Variants in TIMMDC1 observed in about 807,000 individuals in gnomAD.
TIMMDC1 encodes complex I assembly factor TIMMDC1, mitochondrial.
TIMMDC1 carries 25 observed loss-of-function variants against 32.6 expected under a neutral mutation model. The ratio of observed to expected loss-of-function variants is 0.77; its 90% CI spans 0.56 to 1.07. The LOEUF (loss-of-function observed/expected upper bound fraction) is 1.07, where lower values mean the gene tolerates loss of function less well. Ranked by LOEUF, TIMMDC1 falls within the 50% of genes least tolerant of loss-of-function variation. TIMMDC1 has a pLI of 0.00. For missense variants in TIMMDC1, 329 were observed against 349.2 expected, an observed-to-expected ratio of 0.94 and a Z score of 0.46; for synonymous variants, 130 against 127.6, an observed-to-expected ratio of 1.02 and a Z score of -0.13.
At chr3:119,502,864 T>A (rs1014702115) in intron 2 of TIMMDC1, among the ~76,000 whole-genome samples, 1 of 152,170 alleles carries the variant, frequency 6.6e-6, no homozygotes, top group Admixed American at 6.5e-5. Context: ...CCAGGCAGTT[T>A]TAGCATTTAA....
chr3:119,509,700 T>C (rs2081941084), intron 4 of TIMMDC1, among the ~76,000 whole-genome samples: 1 of 151,936 alleles, frequency 6.6e-6, no homozygotes, highest in African/African-American at 2.4e-5. Flanking sequence ...TTTTTTTTTT[T>C]TTTGAGACGG....
chr3:119,517,397 T>A, intron 6 of TIMMDC1, 82 bp downstream of exon 6: 1 of 819,230 alleles, frequency 1.2e-6, no homozygotes, highest in Non-Finnish European at 2.1e-6. Flanking sequence ...ACTTATGTAC[T>A]CTAAACTGCC....
In TIMMDC1 at chr3:119,500,581, C is replaced by G. The variant is rs1284707044; in HGVS notation, c.195-114C>G. On this transcript the variant is annotated intron_variant, in intron 1 of 6. Transcript: ENST00000494664. Reference sequence around the variant, plus strand: ...TGTTTAATTCATCTGAGAATTCTACCTATGATGAAAAATGTTGTGGTGGTA... The same window carrying G: ...TGTTTAATTCATCTGAGAATTCTACGTATGATGAAAAATGTTGTGGTGGTA... The G allele has an allele frequency of 1.0e-5, 9 of 898,526 alleles. No homozygotes were observed. In the Middle Eastern group the frequency reaches 7.6e-4, roughly 76 times the overall value. 55.7% of individuals were successfully genotyped at this position (898,526 alleles called of 1,614,324 possible). A position where few individuals can be genotyped will look rare whatever the true frequency, so the allele number is the denominator to read the frequency against.
At chr3:119,510,963 C>T (rs1012917323) in intron 4 of TIMMDC1, among the ~76,000 whole-genome samples, 9 of 152,164 alleles carry the variant, frequency 5.9e-5, no homozygotes, top group Non-Finnish European at 8.8e-5. Context: ...TTTGACTCCC[C>T]CAAAACTTAA....
At chr3:119,513,517 A>G in intron 4 of TIMMDC1, 124 bp from the exon 5 acceptor site, 2 of 704,778 alleles carry the variant, frequency 2.8e-6, no homozygotes, top group Non-Finnish European at 2.5e-6. Flanking sequence ...TATAGGCTGT[A>G]GTAGTATATT....
intron 4 of TIMMDC1, among the ~76,000 whole-genome samples, chr3:119,510,189 G>A (rs1252117341): frequency 6.6e-6 from 1 of 152,062 alleles, no homozygotes; most frequent in Non-Finnish European, 1.5e-5. Context: ...TCAGTAAAGT[G>A]TAAATATATA....
intron 2 of TIMMDC1, among the ~76,000 whole-genome samples, chr3:119,502,231 T>G (rs1299581301): frequency 2.6e-5 from 4 of 151,790 alleles, no homozygotes; most frequent in African/African-American, 7.3e-5. Flanking sequence ...AATTATTTAT[T>G]CCTTTATTTA....
intron 4 of TIMMDC1, among the ~76,000 whole-genome samples, chr3:119,510,769 T>C (rs2081947337): frequency 6.6e-6 from 1 of 152,238 alleles, no homozygotes; most frequent in South Asian, 2.1e-4. Flanking sequence ...TTATGGTGCT[T>C]ATGTAAAAAA....
intron 4 of TIMMDC1, among the ~76,000 whole-genome samples, chr3:119,508,391 AG>A (rs1174268842): frequency 6.6e-6 from 1 of 152,202 alleles, no homozygotes; most frequent in Non-Finnish European, 1.5e-5. Context: ...TCCTATTTTG[AG>A]GGCAGCAGTT....
chr3:119,517,194 T>A lies in TIMMDC1; in HGVS notation c.597-11T>A. 6.3e-7 allele frequency: 1 copy of A among 1,581,314 alleles called. No homozygotes were observed. The highest frequency in any genetic ancestry group is 8.7e-7 in the Non-Finnish European group (1 of 1,151,140). ...CGTTTTTCCTAAGCTTTCCCTCTCC[T>A]TTCTTCTCAGCACTCCTGTAGGAGG... On this transcript the variant is annotated splice_polypyrimidine_tract_variant and intron_variant, in intron 5 of 6. Transcript: ENST00000494664.
intron 4 of TIMMDC1, among the ~76,000 whole-genome samples, chr3:119,504,826 A>G (rs951700695): frequency 6.6e-6 from 1 of 152,184 alleles, no homozygotes; most frequent in Non-Finnish European, 1.5e-5. Context: ...TCACACCTGT[A>G]ATCCCAGCAC....
At chr3:119,503,715 C>A in intron 3 of TIMMDC1, 95 bp downstream of exon 3, 1 of 984,040 alleles carries the variant, frequency 1.0e-6, no homozygotes, top group Non-Finnish European at 1.5e-6. Flanking sequence ...ACTGAATACC[C>A]ACATGAAAGT....
chr3:119,524,807 GA>G lies in TIMMDC1; in HGVS notation c.*1054del, dbSNP rs2082055182. On this transcript the variant is annotated 3_prime_UTR_variant, in exon 7 of 7. Transcript: ENST00000494664. ...TCTTTCCAGTTCTCTGCTGATGTCA[GA>G]AAGACCCAGAAATACCAAGGAGAAA... 6.6e-6 allele frequency: 1 copy of G among 152,186 alleles called. No homozygotes were observed. Among genetic ancestry groups the G allele is most frequent in the African/African-American group, 2.4e-5 (1 of 41,440 alleles). 9.4% of individuals were successfully genotyped at this position (152,186 alleles called of 1,614,324 possible).
rs190905868 is a variant in TIMMDC1 at position 119,502,757 on chromosome 3, C to T, written c.361-775C>T. Among the ~76,000 whole-genome samples the T allele has an allele frequency of 2.0e-4, 29 of 148,500 alleles. No homozygotes were observed. The East Asian group carries it at 5.5e-3, about 28-fold the overall frequency. On this transcript the variant is annotated intron_variant, in intron 2 of 6. Coordinates refer to ENST00000494664, the MANE Select transcript of TIMMDC1 (RefSeq NM_016589.4). ...AATTTTTTTTGTAAAGGCAGGATCT[C>T]GCTATGTTGCCCAGGCTGGTCTTAA...
At chr3:119,512,053 C>T (rs1006542367) in intron 4 of TIMMDC1, among the ~76,000 whole-genome samples, 1 of 151,982 alleles carries the variant, frequency 6.6e-6, no homozygotes, top group African/African-American at 2.4e-5. Flanking sequence ...TGAGTTTGTC[C>T]TAAGGAAACA....
intron 4 of TIMMDC1, among the ~76,000 whole-genome samples, chr3:119,505,734 A>G (rs898286960): frequency 4.6e-5 from 7 of 152,226 alleles, no homozygotes; most frequent in African/African-American, 1.7e-4. Flanking sequence ...TAAAAATAAT[A>G]CAAAGGGCAG....
intron 4 of TIMMDC1, among the ~76,000 whole-genome samples, chr3:119,505,511 A>T (rs2081912613): frequency 6.6e-6 from 1 of 152,038 alleles, no homozygotes; most frequent in Non-Finnish European, 1.5e-5. Context: ...GATTACAGGC[A>T]TGCGCCACCA....
intron 4 of TIMMDC1, among the ~76,000 whole-genome samples, chr3:119,504,609 T>C (rs2107727987): frequency 6.6e-6 from 1 of 152,274 alleles, no homozygotes; most frequent in African/African-American, 2.4e-5. Context: ...TTCTTTTTAA[T>C]GAGCATTAAA....
chr3:119,511,683 T>C (rs1577099506), intron 4 of TIMMDC1, among the ~76,000 whole-genome samples: 1 of 152,096 alleles, frequency 6.6e-6, no homozygotes, highest in East Asian at 1.9e-4. Flanking sequence ...GCCAAAATAA[T>C]AGTATGTGCA....
Sources: gnomAD v4.1 joint callset for allele counts (sites outside exome capture counted in the v4.1 genomes callset) on GRCh38, gnomAD v4.1.1 for gene constraint, MANE v1.5 for transcripts, NCBI Gene and HGNC (gene_info 2026-07-23, HGNC 2026-07-21) for gene names.